Variants in OSBPL10 observed in about 807,000 individuals in gnomAD.
OSBPL10 encodes oxysterol binding protein like 10.
In OSBPL10, 49 loss-of-function variants were observed where a neutral mutation model predicts 81.7. The observed-to-expected ratio is 0.60, with a 90% CI of 0.48 to 0.76. OSBPL10 has a LOEUF of 0.76. OSBPL10 is among the 30% of genes least tolerant of loss of function. The pLI, the probability that OSBPL10 is intolerant of heterozygous loss-of-function variation, is 0.00. For synonymous variants in OSBPL10, 419 were observed against 383.6 expected (o/e 1.09, Z -1.08); for missense variants, 923 against 987.8 (o/e 0.93, Z 0.88).
chr3:32,043,705 C>A (rs1289965028), intron 2 of OSBPL10, among the ~76,000 whole-genome samples: 1 of 152,048 alleles, frequency 6.6e-6, no homozygotes, highest in Non-Finnish European at 1.5e-5. Flanking sequence ...AGTAGGAACT[C>A]AAAAATAATT....
intron 1 of OSBPL10, among the ~76,000 whole-genome samples, chr3:32,052,137 C>G (rs1699674509): frequency 6.6e-6 from 1 of 151,470 alleles, no homozygotes; most frequent in African/African-American, 2.4e-5. Context: ...GTCCCAGCTA[C>G]TTGGGAGGCT....
At chr3:32,041,904 C>T (rs1169372151) in intron 2 of OSBPL10, among the ~76,000 whole-genome samples, 4 of 152,164 alleles carry the variant, frequency 2.6e-5, no homozygotes, top group African/African-American at 7.2e-5. Context: ...AGGTGATCTG[C>T]CTGCCTCAAC....
intron 1 of OSBPL10, among the ~76,000 whole-genome samples, chr3:32,048,305 C>T (rs550934761): frequency 0.013 from 1,292 of 103,042 alleles, 16 homozygotes; most frequent in African/African-American, 0.044. Flanking sequence ...CTAGACACTA[C>T]TACTATTTTT....
intron 9 of OSBPL10, among the ~76,000 whole-genome samples, chr3:31,670,587 A>C (rs1559407335): frequency 6.6e-6 from 1 of 152,200 alleles, no homozygotes; most frequent in Admixed American, 6.5e-5. Flanking sequence ...CAAATGCATC[A>C]CCGAAGATTT....
chr3:31,767,011 C>T (rs893172965), intron 4 of OSBPL10, among the ~76,000 whole-genome samples: 1 of 152,202 alleles, frequency 6.6e-6, no homozygotes, highest in African/African-American at 2.4e-5. Context: ...AGGGCTCAAT[C>T]CACAGTCCTC....
chr3:32,000,509 C>T (rs1699134626), intron 2 of OSBPL10, among the ~76,000 whole-genome samples: 1 of 152,212 alleles, frequency 6.6e-6, no homozygotes, highest in African/African-American at 2.4e-5. Context: ...AGCATGCTGA[C>T]TCCCATATAA....
At chr3:31,813,160 A>C (rs1699751478) in intron 4 of OSBPL10, among the ~76,000 whole-genome samples, 2 of 152,256 alleles carry the variant, frequency 1.3e-5, no homozygotes, top group Non-Finnish European at 2.9e-5. Context: ...GAATGAAAGT[A>C]GCTGGAGGAA....
At chr3:31,935,781 CAA>C (rs1320829667) in intron 1 of OSBPL10, among the ~76,000 whole-genome samples, 1 of 152,108 alleles carries the variant, frequency 6.6e-6, no homozygotes, top group Non-Finnish European at 1.5e-5. Flanking sequence ...CTCAGCCTCG[CAA>C]AGTCCTGGGA....
intron 9 of OSBPL10, among the ~76,000 whole-genome samples, chr3:31,669,811 G>T (rs1006029608): frequency 2.6e-5 from 4 of 152,130 alleles, no homozygotes; most frequent in African/African-American, 9.7e-5. Context: ...CCCAGCTCAG[G>T]CTGAATTTAG....
chr3:31,670,848 G>A lies in OSBPL10; in HGVS notation c.1862C>T (p.Ser621Leu). 1 of 1,614,182 alleles carries A rather than the reference G, an allele frequency of 6.2e-7. No homozygotes were observed. Among genetic ancestry groups the A allele is most frequent in the Middle Eastern group, 1.6e-4 (1 of 6,062 alleles). Residue 621 changes from serine (S) to leucine (L), a missense_variant, in exon 9 of 12, where the codon TCA (serine) becomes TTA (leucine). Transcript: ENST00000396556. ...VSINCAKTGYSATVIFHTKPF... is the reference protein window; with the variant it reads ...VSINCAKTGYLATVIFHTKPF... ...CTTCGTGTGGAATATCACTGTCGCT[G>A]AGTACCCAGTCTTGGCACAGTTGAT...
chr3:31,740,856 T>TA, intron 5 of OSBPL10, among the ~76,000 whole-genome samples: 2 of 136,036 alleles, frequency 1.5e-5, no homozygotes, highest in African/African-American at 6.2e-5. Flanking sequence ...ACTACTAGAA[T>TA]TTATATATAT....
At chr3:32,072,522 T>C (rs1457222057) in intron 1 of OSBPL10, among the ~76,000 whole-genome samples, 2 of 152,222 alleles carry the variant, frequency 1.3e-5, no homozygotes, top group Non-Finnish European at 2.9e-5. Flanking sequence ...TTCTATTCTA[T>C]TGTCATTTCA....
intron 1 of OSBPL10, among the ~76,000 whole-genome samples, chr3:31,898,197 T>G (rs1272970833): frequency 6.6e-6 from 1 of 152,076 alleles, no homozygotes; most frequent in Admixed American, 6.6e-5. Context: ...GAATAAGTTT[T>G]TGAGATCTAT....
chr3:31,910,440 G>A (rs976199460), intron 1 of OSBPL10, among the ~76,000 whole-genome samples: 3 of 150,236 alleles, frequency 2.0e-5, no homozygotes, highest in Non-Finnish European at 4.4e-5. Context: ...TTCAAGACCA[G>A]CCTGGCCAAC....
intron 1 of OSBPL10, among the ~76,000 whole-genome samples, chr3:31,952,955 C>T (rs71323061): frequency 0.2 from 25,872 of 128,096 alleles, 2,849 homozygotes; most frequent in Non-Finnish European, 0.26. Flanking sequence ...TTTTTTGAGA[C>T]GGAGTCTCAT....
At chr3:32,075,257 A>C (rs143046272) in intron 1 of OSBPL10, among the ~76,000 whole-genome samples, 7 of 152,294 alleles carry the variant, frequency 4.6e-5, no homozygotes, top group African/African-American at 1.7e-4. Context: ...TCACTGCTGA[A>C]AAAGGAGGAC....
intron 8 of OSBPL10, among the ~76,000 whole-genome samples, chr3:31,679,183 C>CTGT (rs1161766950): frequency 6.6e-6 from 1 of 152,192 alleles, no homozygotes; most frequent in East Asian, 1.9e-4. Flanking sequence ...AAGACCCCTT[C>CTGT]TTAAACCTGC....
intron 2 of OSBPL10, among the ~76,000 whole-genome samples, chr3:31,994,208 G>T (rs997661356): frequency 2.6e-5 from 4 of 152,146 alleles, no homozygotes; most frequent in Non-Finnish European, 5.9e-5. Context: ...AGTAGTGATT[G>T]CCAAGAGTTA....
intron 4 of OSBPL10, among the ~76,000 whole-genome samples, chr3:31,807,699 C>T (rs183503744): frequency 2.2e-4 from 34 of 152,132 alleles, no homozygotes; most frequent in South Asian, 8.3e-4. Context: ...GATTGGGCCA[C>T]GGCACTCCAG....
Sources: gnomAD v4.1 joint callset for allele counts (sites outside exome capture counted in the v4.1 genomes callset) on GRCh38, gnomAD v4.1.1 for gene constraint, MANE v1.5 for transcripts, NCBI Gene and HGNC (gene_info 2026-07-23, HGNC 2026-07-21) for gene names.